DLG2: variants seen among roughly 807,000 people sequenced by gnomAD.
DLG2 encodes disks large homolog 2.
In DLG2, 45 loss-of-function variants were observed where a neutral mutation model predicts 132.5. That is an observed-to-expected ratio of 0.34 (90% CI 0.27 to 0.44). DLG2 has a LOEUF of 0.44. Ranked by LOEUF, DLG2 falls within the 20% of genes least tolerant of loss-of-function variation. The probability of loss-of-function intolerance (pLI) is 1.00; values close to 1 mark genes in which losing one functional copy is unlikely to be tolerated. For missense variants in DLG2, 1,045 were observed against 1,196.9 expected, an observed-to-expected ratio of 0.87 and a Z score of 1.87; for synonymous variants, 424 against 419.6, an observed-to-expected ratio of 1.01 and a Z score of -0.13.
At chr11:84,187,960 G>A (rs1247148450) in intron 8 of DLG2, among the ~76,000 whole-genome samples, 2 of 152,100 alleles carry the variant, frequency 1.3e-5, no homozygotes, top group Admixed American at 6.6e-5. Flanking sequence ...ACTACTGCCT[G>A]AAATCTTTGC....
At chr11:83,886,812 C>A (rs1043481535) in intron 15 of DLG2, among the ~76,000 whole-genome samples, 1 of 152,118 alleles carries the variant, frequency 6.6e-6, no homozygotes, top group African/African-American at 2.4e-5. Flanking sequence ...AACCACTCAA[C>A]TACATGGAAA....
chr11:84,386,791 T>A lies in DLG2; in HGVS notation c.520-135500A>T, dbSNP rs182947545. On this transcript the variant is annotated intron_variant, in intron 7 of 27. Coordinates refer to ENST00000376104, the MANE Select transcript of DLG2 (RefSeq NM_001142699.3). The stretch of plus-strand genomic sequence containing the variant: ...TTTTTCCTTCACAAACCATGCATTT[T>A]AAAATGCATCAAAATTTGTTTTATA... Among the ~76,000 whole-genome samples the A allele has an allele frequency of 2.7e-3, 405 of 152,268 alleles. 9 individuals carry two copies. Among genetic ancestry groups the A allele is most frequent in the Non-Finnish European group, 7.8e-4 (53 of 68,002 alleles).
intron 3 of DLG2, among the ~76,000 whole-genome samples, chr11:85,362,739 C>T (rs756341108): frequency 6.6e-6 from 1 of 151,734 alleles, no homozygotes; most frequent in African/African-American, 2.4e-5. Flanking sequence ...TTATCTTTGA[C>T]CTCTCAGGGA....
At chr11:83,590,582 T>A (rs2097170669) in intron 19 of DLG2, among the ~76,000 whole-genome samples, 1 of 151,422 alleles carries the variant, frequency 6.6e-6, no homozygotes, top group Non-Finnish European at 1.5e-5. Context: ...TTAAAAGAAC[T>A]AGAAAAGCAA....
At chr11:84,646,641 T>C (rs1010079689) in intron 6 of DLG2, among the ~76,000 whole-genome samples, 6 of 149,956 alleles carry the variant, frequency 4.0e-5, no homozygotes, top group African/African-American at 1.2e-4. Flanking sequence ...TAGAAACCAA[T>C]GGCCTGGAAG....
intron 6 of DLG2, among the ~76,000 whole-genome samples, chr11:84,915,072 T>C (rs1211308006): frequency 6.6e-6 from 1 of 152,212 alleles, no homozygotes; most frequent in African/African-American, 2.4e-5. Flanking sequence ...GGCTTCTTAG[T>C]GTTGTCTGAC....
At chr11:84,003,061 G>C (rs1025166180) in intron 11 of DLG2, among the ~76,000 whole-genome samples, 5 of 152,134 alleles carry the variant, frequency 3.3e-5, no homozygotes, top group African/African-American at 1.2e-4. Context: ...TCTCTCTTAA[G>C]TTTAAACTTC....
At chr11:84,534,124 T>C (rs998641609) in intron 7 of DLG2, among the ~76,000 whole-genome samples, 4 of 152,252 alleles carry the variant, frequency 2.6e-5, no homozygotes, top group African/African-American at 9.6e-5. Flanking sequence ...TAGGATAAAA[T>C]AGAGGAATTG....
At chr11:83,502,392 A>G (rs896380587) in intron 21 of DLG2, among the ~76,000 whole-genome samples, 3 of 152,212 alleles carry the variant, frequency 2.0e-5, no homozygotes, top group Non-Finnish European at 4.4e-5. Flanking sequence ...GTGGATAGCC[A>G]CAATAACTAC....
chr11:83,747,322 TCC>T (rs1566805100), intron 18 of DLG2, among the ~76,000 whole-genome samples: 1 of 109,794 alleles, frequency 9.1e-6, no homozygotes, highest in Non-Finnish European at 2.2e-5. Flanking sequence ...CTTCCTTCCT[TCC>T]TTCCTGCCTT....
At chr11:83,784,306 T>C (rs2094951028) in intron 18 of DLG2, among the ~76,000 whole-genome samples, 4 of 152,228 alleles carry the variant, frequency 2.6e-5, no homozygotes. Context: ...TAAATGTCTC[T>C]AAACAATAAT....
intron 6 of DLG2, among the ~76,000 whole-genome samples, chr11:84,900,479 C>T (rs975132615): frequency 1.3e-5 from 2 of 152,002 alleles, no homozygotes; most frequent in Non-Finnish European, 2.9e-5. Context: ...ACTAGAGAAT[C>T]ACATTCTTCT....
intron 18 of DLG2, among the ~76,000 whole-genome samples, chr11:83,709,867 A>G (rs2084976296): frequency 6.6e-6 from 1 of 152,206 alleles, no homozygotes; most frequent in South Asian, 2.1e-4. Context: ...GTAGGTGATC[A>G]TTGAAAGGGC....
At chr11:85,143,688 T>C (rs11234305) in intron 5 of DLG2, among the ~76,000 whole-genome samples, 19,811 of 151,916 alleles carry the variant, frequency 0.13, 1,775 homozygotes, top group Non-Finnish European at 0.2. Context: ...ATTGACCTGC[T>C]TGTCACTCAG....
chr11:85,207,693 A>T (rs549765851), intron 4 of DLG2, among the ~76,000 whole-genome samples: 24 of 152,142 alleles, frequency 1.6e-4, no homozygotes, highest in Non-Finnish European at 2.9e-4. Flanking sequence ...AAGCTTATAT[A>T]TCCAAAAATT....
chr11:84,325,085 T>C (rs192549438), intron 7 of DLG2, among the ~76,000 whole-genome samples: 1 of 152,308 alleles, frequency 6.6e-6, no homozygotes, highest in Admixed American at 6.5e-5. Context: ...AACATCCTTG[T>C]TCCTAATTTT....
At chr11:84,647,736 C>G (rs2099676701) in intron 6 of DLG2, among the ~76,000 whole-genome samples, 1 of 152,182 alleles carries the variant, frequency 6.6e-6, no homozygotes, top group Non-Finnish European at 1.5e-5. Context: ...TCAGTAACCT[C>G]TGTCATAGAG....
chr11:84,052,378 G>A (rs1281220227), intron 11 of DLG2, among the ~76,000 whole-genome samples: 3 of 151,660 alleles, frequency 2.0e-5, no homozygotes, highest in African/African-American at 4.8e-5. Flanking sequence ...TTAATAAATA[G>A]TCAATTCATT....
chr11:85,192,051 C>A (rs1595238357), intron 4 of DLG2, among the ~76,000 whole-genome samples: 1 of 152,170 alleles, frequency 6.6e-6, no homozygotes, highest in East Asian at 1.9e-4. Context: ...AGGAGTTGAA[C>A]TGGAATCAAA....
Sources: allele counts gnomAD v4.1 joint callset (sites outside exome capture counted in the v4.1 genomes callset), GRCh38; gene constraint gnomAD v4.1.1; transcripts MANE v1.5; gene names NCBI Gene and HGNC (gene_info 2026-07-23, HGNC 2026-07-21).